ENOX1: variants seen among roughly 807,000 people sequenced by gnomAD.
The protein encoded by ENOX1 is ecto-NOX disulfide-thiol exchanger 1.
In ENOX1, 42 loss-of-function variants were observed where a neutral mutation model predicts 82.5. That is an observed-to-expected ratio of 0.51 (90% CI 0.40 to 0.66). ENOX1 has a LOEUF of 0.66. Ranked by LOEUF, ENOX1 falls within the 30% of genes least tolerant of loss-of-function variation. ENOX1 has a pLI of 0.00. For synonymous variants in ENOX1, 271 were observed against 282.2 expected (o/e 0.96, Z 0.40); for missense variants, 608 against 811.6 (o/e 0.75, Z 3.05).
intron 2 of ENOX1, among the ~76,000 whole-genome samples, chr13:43,507,396 A>C (rs532590009): frequency 6.6e-6 from 1 of 152,066 alleles, no homozygotes; most frequent in South Asian, 2.1e-4. Context: ...GTTCCTACAG[A>C]TAAGTTTCTA....
chr13:43,615,469 C>T (rs1175744919), intron 2 of ENOX1, among the ~76,000 whole-genome samples: 1 of 152,142 alleles, frequency 6.6e-6, no homozygotes, highest in Non-Finnish European at 1.5e-5. Context: ...CAGGAACTAA[C>T]TTTGCATTCA....
intron 2 of ENOX1, among the ~76,000 whole-genome samples, chr13:43,621,429 T>G (rs1319356005): frequency 6.6e-6 from 1 of 152,224 alleles, no homozygotes; most frequent in Non-Finnish European, 1.5e-5. Flanking sequence ...TTTTAGCAGT[T>G]CCTGTAGTGG....
At chr13:43,667,340 G>A (rs1431103050) in intron 2 of ENOX1, 139 bp downstream of exon 2, 2 of 456,904 alleles carry the variant, frequency 4.4e-6, no homozygotes, top group Non-Finnish European at 5.8e-6. Context: ...GAGATCTTCT[G>A]CCACAGGCCC....
intron 5 of ENOX1, among the ~76,000 whole-genome samples, chr13:43,409,040 C>CA (rs11424006): frequency 0.16 from 13,628 of 87,524 alleles, 982 homozygotes; most frequent in African/African-American, 0.27. Context: ...AAATATAAAC[C>CA]AAAAAAAAAA....
At chr13:43,366,643 A>AT (rs2153564183) in intron 5 of ENOX1, among the ~76,000 whole-genome samples, 1 of 152,264 alleles carries the variant, frequency 6.6e-6, no homozygotes, top group East Asian at 1.9e-4. Flanking sequence ...CATGAATACT[A>AT]GATAGACATA....
At chr13:43,752,211 C>T (rs1950361737) in intron 1 of ENOX1, among the ~76,000 whole-genome samples, 2 of 152,102 alleles carry the variant, frequency 1.3e-5, no homozygotes, top group African/African-American at 4.8e-5. Context: ...CAATTCATTT[C>T]CCCATTTTTC....
At chr13:43,705,860 AT>A (rs2087245420) in intron 1 of ENOX1, among the ~76,000 whole-genome samples, 1 of 152,178 alleles carries the variant, frequency 6.6e-6, no homozygotes, top group Admixed American at 6.5e-5. Context: ...CAAAATTCAT[AT>A]AGTACACATT....
At chr13:43,564,709 A>G (rs1333611429) in intron 2 of ENOX1, among the ~76,000 whole-genome samples, 1 of 152,152 alleles carries the variant, frequency 6.6e-6, no homozygotes, top group Non-Finnish European at 1.5e-5. Flanking sequence ...CAATTAATAA[A>G]CTGAATCAGC....
intron 1 of ENOX1, among the ~76,000 whole-genome samples, chr13:43,778,098 A>C (rs1952028743): frequency 6.6e-6 from 1 of 152,200 alleles, no homozygotes; most frequent in Non-Finnish European, 1.5e-5. Flanking sequence ...TTTTGCAAAA[A>C]TATGGGGATG....
chr13:43,341,169 C>A (rs374061057), intron 9 of ENOX1, among the ~76,000 whole-genome samples: 1 of 151,934 alleles, frequency 6.6e-6, no homozygotes, highest in Non-Finnish European at 1.5e-5. Context: ...TGGTGGCGGG[C>A]GCCTGTAGTC....
intron 1 of ENOX1, among the ~76,000 whole-genome samples, chr13:43,753,911 C>T (rs1457836625): frequency 8.3e-6 from 1 of 120,826 alleles, no homozygotes; most frequent in East Asian, 2.3e-4. Context: ...TATCCAATTA[C>T]GACCAGATTT....
intron 5 of ENOX1, among the ~76,000 whole-genome samples, chr13:43,370,256 A>G (rs990423541): frequency 1.3e-5 from 2 of 151,852 alleles, no homozygotes; most frequent in African/African-American, 2.4e-5. Context: ...AGTCCCAGCT[A>G]CTCGGGAGGC....
intron 2 of ENOX1, among the ~76,000 whole-genome samples, chr13:43,647,550 T>C (rs1005954049): frequency 4.6e-5 from 7 of 152,182 alleles, no homozygotes; most frequent in Admixed American, 3.3e-4. Context: ...TCCACAAATA[T>C]TTCTTGTGGA....
chr13:43,709,147 T>C (rs1182662188), intron 1 of ENOX1, among the ~76,000 whole-genome samples: 2 of 151,940 alleles, frequency 1.3e-5, no homozygotes, highest in Non-Finnish European at 2.9e-5. Flanking sequence ...CCTTGAGAAA[T>C]GAAGATGCAA....
At chr13:43,575,674 T>C (rs1420087138) in intron 2 of ENOX1, among the ~76,000 whole-genome samples, 1 of 152,180 alleles carries the variant, frequency 6.6e-6, no homozygotes, top group Non-Finnish European at 1.5e-5. Context: ...CTCAAAACAA[T>C]AGGATGAGGA....
intron 12 of ENOX1, among the ~76,000 whole-genome samples, chr13:43,289,754 A>T (rs1593732675): frequency 6.6e-6 from 1 of 152,220 alleles, no homozygotes; most frequent in Non-Finnish European, 1.5e-5. Context: ...GAGCTTCTGC[A>T]AAGAAAAAGA....
chr13:43,566,922 G>GC (rs2079945934), intron 2 of ENOX1, among the ~76,000 whole-genome samples: 3 of 152,104 alleles, frequency 2.0e-5, no homozygotes, highest in African/African-American at 2.4e-5. Context: ...TATAGCTAAA[G>GC]CCCCATCAAT....
intron 3 of ENOX1, among the ~76,000 whole-genome samples, chr13:43,413,697 ATT>A (rs1566157146): frequency 6.9e-5 from 10 of 145,452 alleles, no homozygotes; most frequent in Non-Finnish European, 1.2e-4. Flanking sequence ...ATATATATAT[ATT>A]TTTATATATT....
intron 1 of ENOX1, among the ~76,000 whole-genome samples, chr13:43,676,846 G>A (rs575728383): frequency 2.6e-5 from 4 of 152,126 alleles, no homozygotes; most frequent in African/African-American, 9.6e-5. Flanking sequence ...AATCATGGTG[G>A]TCATATGTGT....
Sources: allele counts gnomAD v4.1 joint callset (sites outside exome capture counted in the v4.1 genomes callset), GRCh38; gene constraint gnomAD v4.1.1; transcripts MANE v1.5; gene names NCBI Gene and HGNC (gene_info 2026-07-23, HGNC 2026-07-21).